APC: variants seen among roughly 807,000 people sequenced by gnomAD.
APC encodes the protein APC regulator of Wnt signaling pathway.
APC carries 72 observed loss-of-function variants against 247.0 expected under a neutral mutation model. That is an observed-to-expected ratio of 0.29 (90% CI 0.24 to 0.35). The LOEUF (loss-of-function observed/expected upper bound fraction) is 0.35, where lower values mean the gene tolerates loss of function less well. Among genes scored for constraint, APC ranks in the 10% least tolerant of loss-of-function variants. APC has a pLI of 1.00. For missense variants in APC, 3,400 were observed against 3,360.7 expected, an observed-to-expected ratio of 1.01 and a Z score of -0.29; for synonymous variants, 1,254 against 1,162.5, an observed-to-expected ratio of 1.08 and a Z score of -1.60.
At chr5:112,725,061 G>A (rs565806073) in intron 1 of APC, among the ~76,000 whole-genome samples, 19 of 152,050 alleles carry the variant, frequency 1.2e-4, no homozygotes, top group Non-Finnish European at 2.2e-4. Flanking sequence ...TTGGCTCACC[G>A]CAACCTCTGC....
intron 6 of APC, among the ~76,000 whole-genome samples, chr5:112,788,970 C>G (rs1759285699): frequency 6.6e-6 from 1 of 152,008 alleles, no homozygotes; most frequent in South Asian, 2.1e-4. Flanking sequence ...TGATAGTGGT[C>G]TTCTTTTTCT....
chr5:112,729,737 C>G (rs1350663754), intron 1 of APC, among the ~76,000 whole-genome samples: 1 of 152,194 alleles, frequency 6.6e-6, no homozygotes, highest in Non-Finnish European at 1.5e-5. Context: ...TTAATTTTAT[C>G]TGCCAAGTTC....
chr5:112,728,471 T>G (rs1253638301), intron 1 of APC, among the ~76,000 whole-genome samples: 4 of 152,172 alleles, frequency 2.6e-5, no homozygotes, highest in African/African-American at 7.2e-5. Context: ...TCTTCCAGTG[T>G]TGCTCAGGGA....
intron 1 of APC, among the ~76,000 whole-genome samples, chr5:112,713,399 C>T (rs1479710645): frequency 6.6e-6 from 1 of 152,120 alleles, no homozygotes; most frequent in Non-Finnish European, 1.5e-5. Flanking sequence ...GTCCTTTCAT[C>T]TCTTAATTAG....
At chr5:112,820,475 A>G (rs991326650) in intron 10 of APC, among the ~76,000 whole-genome samples, 1 of 152,146 alleles carries the variant, frequency 6.6e-6, no homozygotes, top group African/African-American at 2.4e-5. Context: ...ACAGTGAGAC[A>G]CTATCTCATT....
At chr5:112,805,576 C>T (rs555446158) in intron 8 of APC, among the ~76,000 whole-genome samples, 1 of 152,280 alleles carries the variant, frequency 6.6e-6, no homozygotes, top group East Asian at 1.9e-4. Flanking sequence ...GCAGCTATTC[C>T]CAGATCCTGA....
At chr5:112,750,047 C>T (rs1408058566) in intron 1 of APC, among the ~76,000 whole-genome samples, 1 of 148,492 alleles carries the variant, frequency 6.7e-6, no homozygotes, top group Non-Finnish European at 1.5e-5. Context: ...ACTGCATCCT[C>T]CACCTCCCAG....
intron 10 of APC, among the ~76,000 whole-genome samples, chr5:112,820,228 G>A (rs1167064493): frequency 1.3e-5 from 2 of 150,988 alleles, no homozygotes; most frequent in African/African-American, 4.9e-5. Context: ...TGCACTACAA[G>A]TAGATGATTC....
chr5:112,763,283 A>G (rs1457550259), intron 2 of APC, among the ~76,000 whole-genome samples: 1 of 152,026 alleles, frequency 6.6e-6, no homozygotes, highest in African/African-American at 2.4e-5. Context: ...AGGTAAAAGT[A>G]ACCTTTGATA....
At chr5:112,754,780 T>A (rs182529004) in intron 1 of APC, 93 bp from the exon 2 acceptor site, 49 of 1,205,138 alleles carry the variant, frequency 4.1e-5, no homozygotes, top group Middle Eastern at 2.1e-4. Context: ...CTTAAACGTC[T>A]TAAGAGTTTT....
At chr5:112,836,913 C>G (rs1218636276) in intron 15 of APC, among the ~76,000 whole-genome samples, 1 of 152,064 alleles carries the variant, frequency 6.6e-6, no homozygotes, top group Non-Finnish European at 1.5e-5. Context: ...GTTGGCCAGG[C>G]TGGTCTTGAT....
intron 10 of APC, among the ~76,000 whole-genome samples, chr5:112,820,182 GAC>G (rs111788809): frequency 0.022 from 3,149 of 142,610 alleles, 40 homozygotes; most frequent in African/African-American, 0.031. Context: ...GATAAGAACT[GAC>G]ACACACACAC....
rs778565823 is a variant in APC, at chr5:112,839,737, A to C, written c.4143A>C (p.Pro1381=). 9.9e-6 allele frequency: 16 copies of C among 1,613,974 alleles called. No individual in the cohort carries two copies. The highest frequency in any genetic ancestry group is 1.4e-5 in the Non-Finnish European group (16 of 1,179,972). Residue 1381 remains proline, a synonymous_variant, in exon 16 of 16, where the codon CCA becomes CCC. Coordinates refer to ENST00000257430, the MANE Select transcript of APC (RefSeq NM_000038.6). This position sits in a 1 kb window ranked among gnomAD's most constrained non-coding sequence, Gnocchi z 5.0. ...SPPEHYVQET[P]LMFSRCTSVS... Reference sequence around the variant, plus strand: ...CTGAACACTATGTTCAGGAGACCCCACTCATGTTTAGCAGATGTACTTCTG... The same window carrying C: ...CTGAACACTATGTTCAGGAGACCCCCCTCATGTTTAGCAGATGTACTTCTG...
chr5:112,788,735 A>G (rs940308372), intron 6 of APC, among the ~76,000 whole-genome samples: 1 of 152,168 alleles, frequency 6.6e-6, no homozygotes, highest in Non-Finnish European at 1.5e-5. Flanking sequence ...TTTTGTTGCT[A>G]TTATAAGTGA....
intron 8 of APC, chr5:112,810,310 A>G (rs545889378): frequency 3.8e-6 from 1 of 262,884 alleles, no homozygotes; most frequent in South Asian, 3.8e-5. Flanking sequence ...ATATATACGC[A>G]GGTAATTTTA....
chr5:112,809,054 A>G (rs940939213), intron 8 of APC, among the ~76,000 whole-genome samples: 5 of 152,196 alleles, frequency 3.3e-5, no homozygotes, highest in African/African-American at 1.2e-4. Context: ...GGTCTGAGAC[A>G]TCAAAGCAGA....
At chr5:112,758,200 T>A (rs1755204199) in intron 2 of APC, among the ~76,000 whole-genome samples, 1 of 152,246 alleles carries the variant, frequency 6.6e-6, no homozygotes, top group Non-Finnish European at 1.5e-5. Flanking sequence ...ACATGGAATT[T>A]AGATGATATG....
intron 1 of APC, among the ~76,000 whole-genome samples, chr5:112,715,391 G>A (rs558695269): frequency 3.0e-4 from 46 of 152,220 alleles, no homozygotes; most frequent in African/African-American, 1.1e-3. Context: ...AATAAAATAG[G>A]TTCAGGGGAC....
chr5:112,752,246 A>T (rs530769407), intron 1 of APC, among the ~76,000 whole-genome samples: 11 of 152,234 alleles, frequency 7.2e-5, no homozygotes, highest in Admixed American at 5.9e-4. Context: ...TTTCCATGAA[A>T]ACAAAACAAT....
Sources: allele counts gnomAD v4.1 joint callset (sites outside exome capture counted in the v4.1 genomes callset), GRCh38; gene constraint gnomAD v4.1.1; non-coding constraint Gnocchi (gnomAD v3.1); transcripts MANE v1.5; gene names NCBI Gene and HGNC (gene_info 2026-07-23, HGNC 2026-07-21).